FYN: variants seen among roughly 807,000 people sequenced by gnomAD.
FYN encodes the protein tyrosine-protein kinase Fyn.
FYN carries 10 observed loss-of-function variants against 70.2 expected under a neutral mutation model. That is an observed-to-expected ratio of 0.14 (90% confidence interval 0.09 to 0.24). The LOEUF (loss-of-function observed/expected upper bound fraction) is 0.24, where lower values mean the gene tolerates loss of function less well. FYN is among the 10% of genes least tolerant of loss of function. The probability of loss-of-function intolerance (pLI) is 1.00; values close to 1 mark genes in which losing one functional copy is unlikely to be tolerated. For synonymous variants in FYN, 236 were observed against 248.6 expected, an observed-to-expected ratio of 0.95 and a Z score of 0.48; for missense variants, 319 against 673.1, an observed-to-expected ratio of 0.47 and a Z score of 5.82.
chr6:111,685,791 C>A (rs1798979523), intron 12 of FYN, among the ~76,000 whole-genome samples: 1 of 152,158 alleles, frequency 6.6e-6, no homozygotes, highest in South Asian at 2.1e-4. Context: ...TCATAAACAA[C>A]CATCAAAAGG....
chr6:111,792,704 G>C (rs1178047103), intron 2 of FYN, among the ~76,000 whole-genome samples: 1 of 152,180 alleles, frequency 6.6e-6, no homozygotes, highest in African/African-American at 2.4e-5. Flanking sequence ...ACACAAGACA[G>C]TGCAAACTGG....
At chr6:111,772,089 T>C (rs949041262) in intron 3 of FYN, among the ~76,000 whole-genome samples, 3 of 152,206 alleles carry the variant, frequency 2.0e-5, no homozygotes, top group Admixed American at 6.5e-5. Context: ...AGCTGTAATG[T>C]GGGAAGAAAG....
At chr6:111,757,972 A>G (rs1695596516) in intron 3 of FYN, among the ~76,000 whole-genome samples, 2 of 152,212 alleles carry the variant, frequency 1.3e-5, no homozygotes, top group Admixed American at 1.3e-4. Context: ...GAAGTGACAA[A>G]AAAAATGAGA....
At chr6:111,839,806 G>C (rs879698661) in intron 2 of FYN, among the ~76,000 whole-genome samples, 17 of 152,278 alleles carry the variant, frequency 1.1e-4, no homozygotes, top group African/African-American at 2.9e-4. Context: ...TGTATCACCA[G>C]AGACAGCTTG....
intron 7 of FYN, among the ~76,000 whole-genome samples, chr6:111,703,369 G>A (rs964499784): frequency 1.3e-5 from 2 of 152,192 alleles, no homozygotes; most frequent in Non-Finnish European, 2.9e-5. Flanking sequence ...CACGATGAAT[G>A]GCTGAGCTTG....
intron 3 of FYN, among the ~76,000 whole-genome samples, chr6:111,750,432 A>C (rs956114747): frequency 2.6e-5 from 4 of 152,186 alleles, no homozygotes; most frequent in African/African-American, 4.8e-5. Context: ...CCTCCCTGGA[A>C]GCAGAAGCCG....
chr6:111,830,149 G>A (rs530460666), intron 2 of FYN, among the ~76,000 whole-genome samples: 12 of 152,312 alleles, frequency 7.9e-5, no homozygotes, highest in African/African-American at 1.7e-4. Flanking sequence ...CTGCCAAGTC[G>A]TGGGGACCCA....
At chr6:111,664,148 T>C (rs1390034799) in intron 13 of FYN, among the ~76,000 whole-genome samples, 2 of 152,222 alleles carry the variant, frequency 1.3e-5, no homozygotes, top group Non-Finnish European at 2.9e-5. Flanking sequence ...CTCCAAAGCA[T>C]TTGCCTTGCC....
intron 2 of FYN, among the ~76,000 whole-genome samples, chr6:111,786,552 C>G (rs1771394441): frequency 6.6e-6 from 1 of 152,160 alleles, no homozygotes; most frequent in Non-Finnish European, 1.5e-5. Flanking sequence ...GATTTATAAT[C>G]CTTTGGGTAT....
chr6:111,769,998 T>TG (rs1457601641), intron 3 of FYN, among the ~76,000 whole-genome samples: 2 of 151,698 alleles, frequency 1.3e-5, no homozygotes, highest in African/African-American at 2.4e-5. Flanking sequence ...TGGTTTTAGA[T>TG]GGGGGGAGGG....
At chr6:111,861,090 T>C (rs1408591639) in intron 1 of FYN, among the ~76,000 whole-genome samples, 1 of 152,206 alleles carries the variant, frequency 6.6e-6, no homozygotes, top group African/African-American at 2.4e-5. Flanking sequence ...ATGTATCACC[T>C]GCATGAAGAA....
Position 111,661,664 on chromosome 6 carries a change from G to T in FYN, c.*75C>A. On this transcript the variant is annotated 3_prime_UTR_variant, in exon 14 of 14. Coordinates refer to ENST00000354650, the MANE Select transcript of FYN (RefSeq NM_002037.5). The surrounding 1 kb of genome is among the most constrained non-coding windows in gnomAD (Gnocchi z 4.0). ...GCGGTTCCGCTGCTGGGGAGCAGCT[G>T]GCTACGGAATTGAAAGCTAATGGGG... 1 of 1,391,940 alleles carries T rather than the reference G, an allele frequency of 7.2e-7. No homozygotes were observed. Among genetic ancestry groups the T allele is most frequent in the Non-Finnish European group, 9.9e-7 (1 of 1,005,614 alleles). The allele number at this position is 1,391,940 out of a possible 1,614,324, so 86.2% of individuals were successfully genotyped here.
chr6:111,706,249 G>A (rs1220589613), intron 6 of FYN, among the ~76,000 whole-genome samples: 2 of 152,138 alleles, frequency 1.3e-5, no homozygotes, highest in Non-Finnish European at 2.9e-5. Context: ...CAAAACCCAA[G>A]GGAGAATGCT....
In FYN at chr6:111,824,190, A is replaced by G. The variant is rs139985838; in HGVS notation, c.-82+22399T>C. Among the ~76,000 whole-genome samples, 56 of 152,348 alleles carry G rather than the reference A, an allele frequency of 3.7e-4. 1 individual carries two copies. Among genetic ancestry groups the G allele is most frequent in the African/African-American group, 1.3e-3 (54 of 41,600 alleles). On this transcript the variant is annotated intron_variant, in intron 2 of 13. Coordinates refer to ENST00000354650, the MANE Select transcript of FYN (RefSeq NM_002037.5). ...AAACATCTTTTGCAAGATGTGAAGAATGCATTTGGTAATGACTCACTTGTG... is the reference window on the plus strand; with the variant it reads ...AAACATCTTTTGCAAGATGTGAAGAGTGCATTTGGTAATGACTCACTTGTG...
intron 3 of FYN, among the ~76,000 whole-genome samples, chr6:111,758,062 A>T (rs9481187): frequency 0.12 from 18,244 of 152,252 alleles, 2,378 homozygotes; most frequent in African/African-American, 0.32. Context: ...ATCTGAAAAC[A>T]CTAGATTCTG....
At chr6:111,716,735 C>T (rs1324524836) in intron 4 of FYN, among the ~76,000 whole-genome samples, 9 of 148,938 alleles carry the variant, frequency 6.0e-5, no homozygotes, top group Admixed American at 3.3e-4. Context: ...CTTTTGTACC[C>T]GATTGAAAAA....
chr6:111,696,201 A>G, intron 10 of FYN, 76 bp downstream of exon 10: 1 of 1,250,320 alleles, frequency 8.0e-7, no homozygotes, highest in Non-Finnish European at 1.1e-6. Context: ...AGTAGCAAGT[A>G]GGAAACTTCC....
chr6:111,811,991 C>G (rs1056053062), intron 2 of FYN, among the ~76,000 whole-genome samples: 2 of 152,152 alleles, frequency 1.3e-5, no homozygotes, highest in African/African-American at 4.8e-5. Flanking sequence ...GGACCACGTC[C>G]TAGGACCCTC....
At chr6:111,779,735 C>A (rs1771100293) in intron 3 of FYN, among the ~76,000 whole-genome samples, 1 of 152,152 alleles carries the variant, frequency 6.6e-6, no homozygotes, top group Admixed American at 6.5e-5. Context: ...ACCGGCCCAT[C>A]CCCAGCTGCC....
Sources: gnomAD v4.1 joint callset for allele counts (sites outside exome capture counted in the v4.1 genomes callset) on GRCh38, gnomAD v4.1.1 for gene constraint, Gnocchi (gnomAD v3.1) non-coding constraint, MANE v1.5 for transcripts, NCBI Gene and HGNC (gene_info 2026-07-23, HGNC 2026-07-21) for gene names.